Variants in ALKBH8 observed in about 807,000 individuals in gnomAD.
The protein encoded by ALKBH8 is alkB homolog 8, tRNA methyltransferase.
A neutral mutation model predicts 59.8 loss-of-function variants in ALKBH8; 36 were observed. That is an observed-to-expected ratio of 0.60 (90% confidence interval 0.46 to 0.79). ALKBH8 has a LOEUF of 0.79. Ranked by LOEUF, ALKBH8 falls within the 30% of genes least tolerant of loss-of-function variation. ALKBH8 has a pLI of 0.00. For synonymous variants in ALKBH8, 276 were observed against 273.6 expected (o/e 1.01, Z -0.09); for missense variants, 768 against 801.0 (o/e 0.96, Z 0.50).
chr11:107,510,329 T>G (rs1380856043), intron 11 of ALKBH8, among the ~76,000 whole-genome samples: 3 of 151,938 alleles, frequency 2.0e-5, no homozygotes, highest in African/African-American at 4.8e-5. Flanking sequence ...AAATATTAAA[T>G]TCATTTATTT....
intron 7 of ALKBH8, among the ~76,000 whole-genome samples, chr11:107,545,153 G>A (rs1394181212): frequency 6.6e-6 from 1 of 152,130 alleles, no homozygotes; most frequent in African/African-American, 2.4e-5. Flanking sequence ...AATATTGAGG[G>A]CTGAATTTGA....
At chr11:107,531,214 A>C (rs1863580170) in intron 8 of ALKBH8, among the ~76,000 whole-genome samples, 1 of 152,158 alleles carries the variant, frequency 6.6e-6, no homozygotes. Flanking sequence ...TTACATGTTC[A>C]TTTCCTTGAG....
intron 7 of ALKBH8, among the ~76,000 whole-genome samples, chr11:107,535,087 G>A (rs1471224450): frequency 6.6e-6 from 1 of 152,136 alleles, no homozygotes; most frequent in East Asian, 1.9e-4. Flanking sequence ...TCATTATTTT[G>A]TTCCTTTTTA....
At chr11:107,507,623 C>T (rs145545563) in intron 11 of ALKBH8, among the ~76,000 whole-genome samples, 4 of 152,238 alleles carry the variant, frequency 2.6e-5, no homozygotes, top group African/African-American at 9.6e-5. Flanking sequence ...GATTGTTTTA[C>T]AGTTGAGCAA....
intron 6 of ALKBH8, among the ~76,000 whole-genome samples, 172 bp from the exon 7 acceptor site, chr11:107,549,995 AAAAT>A (rs1864424440): frequency 6.6e-6 from 1 of 152,240 alleles, no homozygotes; most frequent in Admixed American, 6.5e-5. Flanking sequence ...AAAACATACT[AAAAT>A]AAACTAAAAA....
intron 7 of ALKBH8, among the ~76,000 whole-genome samples, chr11:107,538,007 T>C (rs993405585): frequency 3.9e-5 from 6 of 152,162 alleles, no homozygotes; most frequent in Non-Finnish European, 7.3e-5. Flanking sequence ...ACAATTTAGA[T>C]AGCCGGCCTT....
rs1864745202 is a variant in ALKBH8 at position 107,556,984 on chromosome 11, C to T, written c.149G>A (p.Gly50Asp). The T allele has an allele frequency of 6.3e-7, 1 of 1,586,498 alleles. No homozygotes were observed. Among genetic ancestry groups the T allele is most frequent in the South Asian group, 1.2e-5 (1 of 85,760 alleles). Residue 50 changes from glycine (G) to aspartate (D), a missense_variant, in exon 3 of 12, where the codon GGT (glycine) becomes GAT (aspartate). Gly to Asp is a moderately conservative substitution (Grantham distance 94). Transcript: ENST00000428149. ...YATQSLVVAN[G>D]GLGNGVSRNQ... is the part of the protein sequence containing the mutation. ...CCGACTCACACCATTACCCAAACCA[C>T]CATTGGCAACAACCAGGCTCTTAAA...
rs1279897316 is a variant in ALKBH8, at chr11:107,553,919, T to C, written c.427A>G (p.Ile143Val). The C allele has an allele frequency of 6.2e-7, 1 of 1,613,858 alleles. No individual in the cohort carries two copies. The highest frequency in any genetic ancestry group is 8.5e-7 in the Non-Finnish European group (1 of 1,179,806). ...ATTTTCTCCTCCTCAGAAGAAATTA[T>C]TTCTTCTACTACCATGAGTCCTGGT... ...LPPGLMVVEE[I>V]ISSEEEKMLL... Residue 143 changes from isoleucine (I) to valine (V), a missense_variant, in exon 4 of 12, where the codon ATA becomes GTA. By Grantham distance (29) the Ile-to-Val change is conservative. Transcript: ENST00000428149.
Position 107,546,161 on chromosome 11 carries a change from A to G in ALKBH8, c.771+3592T>C, listed in dbSNP as rs544967088. 3.3e-5 allele frequency among the ~76,000 whole-genome samples: 5 copies of G among 152,328 alleles called. No individual in the cohort carries two copies. The South Asian group carries it at 1.0e-3, about 32-fold the overall frequency. On this transcript the variant is annotated intron_variant, in intron 7 of 11. Transcript: ENST00000428149. The stretch of plus-strand genomic sequence containing the variant: ...ATAAATTTTAGTTTCGTTTTCCCAG[A>G]TAAGTCCTAATCAAAAGTTTTCTTC...
intron 10 of ALKBH8, among the ~76,000 whole-genome samples, chr11:107,512,309 T>G (rs199806420): frequency 1.4e-5 from 2 of 138,894 alleles, no homozygotes; most frequent in Admixed American, 7.3e-5. Flanking sequence ...AAGGGTTTTT[T>G]TTTGTTTGTT....
intron 3 of ALKBH8, among the ~76,000 whole-genome samples, chr11:107,556,538 G>A (rs1864720244): frequency 6.6e-6 from 1 of 152,156 alleles, no homozygotes; most frequent in Admixed American, 6.5e-5. Flanking sequence ...TTGTTGACTG[G>A]TGGGACTAGC....
At chr11:107,547,047 A>T (rs1416578043) in intron 7 of ALKBH8, among the ~76,000 whole-genome samples, 1 of 152,212 alleles carries the variant, frequency 6.6e-6, no homozygotes, top group African/African-American at 2.4e-5. Context: ...TATAACGTCA[A>T]TGACTTTAGC....
At chr11:107,541,503 T>C (rs1864033183) in intron 7 of ALKBH8, among the ~76,000 whole-genome samples, 1 of 152,234 alleles carries the variant, frequency 6.6e-6, no homozygotes, top group South Asian at 2.1e-4. Context: ...TTTAATTGAA[T>C]GATGATTAGA....
intron 10 of ALKBH8, among the ~76,000 whole-genome samples, chr11:107,513,278 C>G (rs1263171248): frequency 1.3e-5 from 2 of 152,042 alleles, no homozygotes; most frequent in Non-Finnish European, 2.9e-5. Context: ...ATACACGTGG[C>G]CAACAAGCAT....
Position 107,502,759 on chromosome 11 carries a change from A to G in ALKBH8, c.*1899T>C, listed in dbSNP as rs2135455394. On this transcript the variant is annotated 3_prime_UTR_variant, in exon 12 of 12. Coordinates refer to ENST00000428149, the MANE Select transcript of ALKBH8 (RefSeq NM_138775.3). ...GAATATAGATTTTTATTATACAATT[A>G]ACAAATTATATTTGGCATCACTTAA... is the stretch of plus-strand genomic sequence containing the variant. 6.6e-6 allele frequency: 1 copy of G among 152,224 alleles called. No homozygotes were observed. Among genetic ancestry groups the G allele is most frequent in the East Asian group, 1.9e-4 (1 of 5,202 alleles). The allele number at this position is 152,224 out of a possible 1,614,324, so 9.4% of individuals were successfully genotyped here. A position where few individuals can be genotyped will look rare whatever the true frequency, so the allele number is the denominator to read the frequency against.
chr11:107,553,200 T>G lies in ALKBH8; in HGVS notation c.503A>C (p.Gln168Pro). The stretch of plus-strand genomic sequence containing the variant: ...TACTCTTCTGTGTTTTAAGGATTTT[T>G]GAGCTGTGTGAAGAGAACAAAGTAA... ...WTEDTDNQNS[Q>P]KSLKHRRVKH... is the part of the protein sequence containing the mutation. Residue 168 changes from glutamine (Q) to proline (P), a missense_variant, in exon 5 of 12, where the codon CAA becomes CCA. Coordinates refer to ENST00000428149, the MANE Select transcript of ALKBH8 (RefSeq NM_138775.3). 1 of 1,597,034 alleles carries G rather than the reference T, an allele frequency of 6.3e-7. No homozygotes were observed. Among genetic ancestry groups the G allele is most frequent in the South Asian group, 1.1e-5 (1 of 89,150 alleles).
intron 11 of ALKBH8, among the ~76,000 whole-genome samples, chr11:107,508,639 CTG>C (rs1299516948): frequency 6.6e-6 from 1 of 152,160 alleles, no homozygotes; most frequent in Non-Finnish European, 1.5e-5. Context: ...AACTGAAACT[CTG>C]TATCAATTAA....
At chr11:107,563,980 C>T (rs17107170) in intron 1 of ALKBH8, among the ~76,000 whole-genome samples, 2,295 of 152,270 alleles carry the variant, frequency 0.015, 53 homozygotes, top group African/African-American at 0.053. Context: ...TGAGTCATCT[C>T]AACAAGGATA....
Position 107,525,510 on chromosome 11 carries a change from T to A in ALKBH8, c.961A>T (p.Thr321Ser). ...GTTCGTAGTCCCCTCTTGCTTAAAG[T>A]TAAGTCTCCAACATCACTGGTGATA... ...GIITSDVGDL[T>S]LSKRGLRTSF... Residue 321 changes from threonine to serine, a missense_variant, in exon 9 of 12, where the codon ACT becomes TCT. Coordinates refer to ENST00000428149, the MANE Select transcript of ALKBH8 (RefSeq NM_138775.3). 1 of 1,542,426 alleles carries A rather than the reference T, an allele frequency of 6.5e-7. No individual in the cohort carries two copies. The highest frequency in any genetic ancestry group is 8.7e-7 in the Non-Finnish European group (1 of 1,143,056).
Sources: gnomAD v4.1 joint callset for allele counts (sites outside exome capture counted in the v4.1 genomes callset) on GRCh38, gnomAD v4.1.1 for gene constraint, MANE v1.5 for transcripts, NCBI Gene and HGNC (gene_info 2026-07-23, HGNC 2026-07-21) for gene names.